Variants in ANKRD55 observed in about 807,000 individuals in gnomAD.
ANKRD55 encodes ankyrin repeat domain 55.
A neutral mutation model predicts 60.6 loss-of-function variants in ANKRD55; 41 were observed. That is an observed-to-expected ratio of 0.68 (90% CI 0.53 to 0.88). The LOEUF is 0.88. Ranked by LOEUF, ANKRD55 falls within the 40% of genes least tolerant of loss-of-function variation. The pLI is 0.00. For missense variants in ANKRD55, 732 were observed against 767.6 expected (o/e 0.95, Z 0.55); for synonymous variants, 264 against 290.3 (o/e 0.91, Z 0.92).
chr5:56,135,435 T>C (rs7704341), intron 7 of ANKRD55, among the ~76,000 whole-genome samples: 33,726 of 150,520 alleles, frequency 0.22, 5,405 homozygotes, highest in African/African-American at 0.45. Flanking sequence ...AGTGGTGCGA[T>C]CTTGGCTCAC....
intron 2 of ANKRD55, among the ~76,000 whole-genome samples, chr5:56,224,096 T>C (rs555281151): frequency 7.2e-4 from 109 of 152,282 alleles, no homozygotes; most frequent in African/African-American, 2.5e-3. Context: ...AGTAAAGCAC[T>C]CCTCAACAAA....
intron 2 of ANKRD55, among the ~76,000 whole-genome samples, chr5:56,222,414 T>C (rs544502775): frequency 1.3e-5 from 2 of 152,242 alleles, no homozygotes; most frequent in South Asian, 2.1e-4. Flanking sequence ...GCAGAAAAGC[T>C]GAAAATTCTA....
At chr5:56,151,127 G>A (rs1220021653) in intron 6 of ANKRD55, among the ~76,000 whole-genome samples, 1 of 152,068 alleles carries the variant, frequency 6.6e-6, no homozygotes, top group Non-Finnish European at 1.5e-5. Context: ...CAAAGGGCTG[G>A]GATTACAGGT....
chr5:56,196,598 T>C (rs1759235701), intron 2 of ANKRD55, among the ~76,000 whole-genome samples: 1 of 152,246 alleles, frequency 6.6e-6, no homozygotes, highest in Non-Finnish European at 1.5e-5. Context: ...TCAAACCGTG[T>C]GTGTTCATTT....
chr5:56,129,892 G>C (rs956782953), intron 7 of ANKRD55, among the ~76,000 whole-genome samples: 1 of 152,198 alleles, frequency 6.6e-6, no homozygotes, highest in Non-Finnish European at 1.5e-5. Flanking sequence ...TTTGTGATGT[G>C]AGAAGATGAT....
chr5:56,100,643 C>T (rs1286863848), intron 11 of ANKRD55, among the ~76,000 whole-genome samples: 1 of 152,152 alleles, frequency 6.6e-6, no homozygotes, highest in Non-Finnish European at 1.5e-5. Flanking sequence ...AGGCCCAAGA[C>T]ATTTGTACTG....
intron 2 of ANKRD55, among the ~76,000 whole-genome samples, chr5:56,220,166 G>C (rs1040088138): frequency 6.6e-6 from 1 of 152,222 alleles, no homozygotes; most frequent in Non-Finnish European, 1.5e-5. Context: ...CTCCCTCTTG[G>C]GATGCATACT....
intron 2 of ANKRD55, among the ~76,000 whole-genome samples, chr5:56,194,750 A>T (rs764246542): frequency 1.3e-5 from 2 of 152,184 alleles, no homozygotes; most frequent in Non-Finnish European, 2.9e-5. Context: ...AAATTTACCC[A>T]TTGTTAATTA....
At chr5:56,149,312 G>A (rs893661682) in intron 6 of ANKRD55, among the ~76,000 whole-genome samples, 1 of 152,044 alleles carries the variant, frequency 6.6e-6, no homozygotes, top group African/African-American at 2.4e-5. Flanking sequence ...TGCTAATAAC[G>A]ACACTCTTTA....
intron 2 of ANKRD55, among the ~76,000 whole-genome samples, chr5:56,231,327 A>T (rs949054322): frequency 6.6e-6 from 1 of 152,180 alleles, no homozygotes; most frequent in African/African-American, 2.4e-5. Flanking sequence ...CTGTATCTTA[A>T]CTATGTTTGG....
In ANKRD55 at chr5:56,166,138, C is replaced by A. The variant is rs1366683130; in HGVS notation, c.422+4556G>T. ...TCTTTCTTTCTTTCTTTCTTTCTTT[C>A]TTTCTTTCTTTCTTTCTTCTTTCCT... is the stretch of plus-strand genomic sequence containing the variant. On this transcript the variant is annotated intron_variant, in intron 5 of 11. Coordinates refer to ENST00000341048, the MANE Select transcript of ANKRD55 (RefSeq NM_024669.3). 2.3e-4 allele frequency among the ~76,000 whole-genome samples: 23 copies of A among 99,044 alleles called. 1 individual carries two copies. The highest frequency in any genetic ancestry group is 1.1e-3 in the African/African-American group (20 of 18,080). The allele number at this position is 99,044 out of a possible 152,430, so 65.0% of individuals were successfully genotyped here. A position where few individuals can be genotyped will look rare whatever the true frequency, so the allele number is the denominator to read the frequency against.
At chr5:56,102,655 T>C in intron 10 of ANKRD55, 69 bp from the exon 11 acceptor site, 1 of 1,062,492 alleles carries the variant, frequency 9.4e-7, no homozygotes, top group Non-Finnish European at 1.4e-6. Context: ...ATGCAATGGA[T>C]AAGAGAATCA....
intron 10 of ANKRD55, among the ~76,000 whole-genome samples, chr5:56,110,041 ACT>A (rs1756627969): frequency 7.4e-6 from 1 of 134,662 alleles, no homozygotes; most frequent in African/African-American, 3.2e-5. Flanking sequence ...ACAGAGCGAG[ACT>A]CCGTCTCAAA....
At chr5:56,229,460 C>T (rs929323238) in intron 2 of ANKRD55, among the ~76,000 whole-genome samples, 1 of 152,110 alleles carries the variant, frequency 6.6e-6, no homozygotes, top group African/African-American at 2.4e-5. Context: ...ATGATCTGAT[C>T]GTTGGGCCTT....
chr5:56,207,088 C>T (rs958237700), intron 2 of ANKRD55, among the ~76,000 whole-genome samples: 6 of 152,208 alleles, frequency 3.9e-5, no homozygotes, highest in African/African-American at 1.2e-4. Context: ...AAGTGAATCG[C>T]CCTTCTATCC....
intron 8 of ANKRD55, 30 bp from the exon 9 acceptor site, chr5:56,116,812 C>T (rs775651486): frequency 7.7e-6 from 12 of 1,551,448 alleles, no homozygotes; most frequent in Non-Finnish European, 9.6e-6. Flanking sequence ...AAAGCACAAG[C>T]GTCTGAGCAT....
At chr5:56,104,995 T>A (rs374469529) in intron 10 of ANKRD55, among the ~76,000 whole-genome samples, 93 of 152,302 alleles carry the variant, frequency 6.1e-4, no homozygotes, top group African/African-American at 2.1e-3. Context: ...TCTGTCTCAA[T>A]TTCTTCAGTT....
At chr5:56,193,217 T>C in intron 2 of ANKRD55, 1 of 939,936 alleles carries the variant, frequency 1.1e-6, no homozygotes, top group Non-Finnish European at 1.6e-6. Flanking sequence ...TGAAAAGATT[T>C]CTTGATGCAT....
At chr5:56,105,751 G>A (rs1447408385) in intron 10 of ANKRD55, among the ~76,000 whole-genome samples, 5 of 152,158 alleles carry the variant, frequency 3.3e-5, no homozygotes, top group Admixed American at 3.3e-4. Context: ...GATGCAAAAC[G>A]TTTGATGGGT....
Sources: allele counts gnomAD v4.1 joint callset (sites outside exome capture counted in the v4.1 genomes callset), GRCh38; gene constraint gnomAD v4.1.1; transcripts MANE v1.5; gene names NCBI Gene and HGNC (gene_info 2026-07-23, HGNC 2026-07-21).